Variants in LINGO1 observed in about 807,000 individuals in gnomAD.
LINGO1 encodes the protein leucine-rich repeat and immunoglobulin-like domain-containing nogo receptor-interacting protein 1.
In LINGO1, 11 loss-of-function variants were observed where a neutral mutation model predicts 37.3. That is an observed-to-expected ratio of 0.29 (90% CI 0.19 to 0.49). The LOEUF (loss-of-function observed/expected upper bound fraction) is 0.49. LINGO1 is among the 20% of genes least tolerant of loss of function. LINGO1 has a pLI of 0.99. For synonymous variants in LINGO1, 387 were observed against 403.0 expected, an observed-to-expected ratio of 0.96 and a Z score of 0.48; for missense variants, 585 against 878.2, an observed-to-expected ratio of 0.67 and a Z score of 4.22.
chr15:77,718,052 A>T (rs2076005968), intron 2 of LINGO1, among the ~76,000 whole-genome samples: 1 of 150,752 alleles, frequency 6.6e-6, no homozygotes, highest in African/African-American at 2.4e-5. Flanking sequence ...GCCCAAGAGG[A>T]TGCTCATGAG....
At chr15:77,700,478 C>T (rs184559433), upstream of LINGO1, among the ~76,000 whole-genome samples, 217 of 152,252 alleles carry the variant, frequency 1.4e-3, no homozygotes, top group African/African-American at 5.1e-3. Context: ...CGGGCACATA[C>T]CCTGTGCCAG....
intron 2 of LINGO1, among the ~76,000 whole-genome samples, chr15:77,702,651 G>A (rs988188270): frequency 4.6e-5 from 7 of 152,092 alleles, no homozygotes; most frequent in Admixed American, 2.0e-4. Context: ...GTTGCAGACC[G>A]GCCCCATGGT....
At chr15:77,794,343 CATATATA>C (rs2076844351) in intron 2 of LINGO1, among the ~76,000 whole-genome samples, 1 of 110,762 alleles carries the variant, frequency 9.0e-6, no homozygotes, top group Non-Finnish European at 1.9e-5. Flanking sequence ...TATATACATA[CATATATA>C]CGTATATATG....
chr15:77,776,402 T>C (rs62007823), intron 1 of LINGO1, among the ~76,000 whole-genome samples: 4,964 of 95,382 alleles, frequency 0.052, 144 homozygotes, highest in Middle Eastern at 0.084. Flanking sequence ...AGAATCTGCT[T>C]ATGGTGGAGG....
chr15:77,695,997 C>T (rs1008474670), intron 1 of LINGO1: 3 of 151,472 alleles, frequency 2.0e-5, no homozygotes, highest in Non-Finnish European at 4.4e-5. Context: ...AGGTCACAGG[C>T]ACCGGCACAG....
At chr15:77,697,081 C>T (rs1264633401), upstream of LINGO1, among the ~76,000 whole-genome samples, 2 of 152,372 alleles carry the variant, frequency 1.3e-5, no homozygotes, top group African/African-American at 4.8e-5. Flanking sequence ...GAGCTTAAGG[C>T]TGCCGTGAGC....
Position 77,626,964 on chromosome 15 carries a change from C to T in LINGO1, c.6+5346G>A, listed in dbSNP as rs1352932936. Among the ~76,000 whole-genome samples the T allele has an allele frequency of 1.4e-3, 190 of 133,300 alleles. 1 individual carries two copies. Among genetic ancestry groups the T allele is most frequent in the Non-Finnish European group, 2.4e-3 (157 of 64,296 alleles). The allele number at this position is 133,300 out of a possible 152,430, so 87.4% of individuals were successfully genotyped here. ...AGATGGCCAGTCCCCGCCCCCCCAA[C>T]CCCCCATCCGCAGCCCTGCACTGGG... is the stretch of plus-strand genomic sequence containing the variant. On this transcript the variant is annotated intron_variant, in intron 1 of 1. Transcript: ENST00000355300.
At chr15:77,777,506 T>C (rs2076673623) in intron 1 of LINGO1, among the ~76,000 whole-genome samples, 2 of 139,070 alleles carry the variant, frequency 1.4e-5, no homozygotes, top group African/African-American at 2.6e-5. Context: ...CACACACAGC[T>C]CAGAACACAG....
rs1488587807 is a variant in LINGO1 at position 77,794,588 on chromosome 15, A to T, written c.-343+1351T>A. ...CACACACACATATATATATATATATATATTTTTTTTTTTTTTTGAGACGGA... is the reference window on the plus strand; with the variant it reads ...CACACACACATATATATATATATATTTATTTTTTTTTTTTTTTGAGACGGA... On this transcript the variant is annotated intron_variant, in intron 2 of 5. Transcript: ENST00000562933. 9.5e-3 allele frequency among the ~76,000 whole-genome samples: 376 copies of T among 39,436 alleles called. 17 individuals are homozygous for T. The highest frequency in any genetic ancestry group is 0.029 in the African/African-American group (354 of 12,402). The allele number at this position is 39,436 out of a possible 152,430, so 25.9% of individuals were successfully genotyped here. A position where few individuals can be genotyped will look rare whatever the true frequency, so the allele number is the denominator to read the frequency against.
At chr15:77,634,958 AG>A (rs1029352389), upstream of LINGO1, among the ~76,000 whole-genome samples, 21 of 152,142 alleles carry the variant, frequency 1.4e-4, no homozygotes, top group Non-Finnish European at 2.2e-4. Flanking sequence ...GACGCAGGCA[AG>A]GCGCGGCCAC....
At chr15:77,791,431 T>G, upstream of LINGO1, among the ~76,000 whole-genome samples, 2 of 151,748 alleles carry the variant, frequency 1.3e-5, no homozygotes, top group Admixed American at 6.6e-5. Context: ...GATTTGCTGG[T>G]GGTTAAGAAA....
At chr15:77,710,206 G>A (rs1427713072) in intron 2 of LINGO1, among the ~76,000 whole-genome samples, 2 of 152,214 alleles carry the variant, frequency 1.3e-5, no homozygotes, top group African/African-American at 2.4e-5. Flanking sequence ...CACCCTTCAC[G>A]TGTCTGCCTG....
chr15:77,710,094 C>T (rs567473788), intron 2 of LINGO1, among the ~76,000 whole-genome samples: 39 of 152,364 alleles, frequency 2.6e-4, no homozygotes, highest in African/African-American at 8.9e-4. Context: ...GAAGCTGCAG[C>T]TCCTATGGCT....
intron 1 of LINGO1, among the ~76,000 whole-genome samples, chr15:77,743,154 C>A (rs1406174568): frequency 6.6e-6 from 1 of 152,134 alleles, no homozygotes; most frequent in Non-Finnish European, 1.5e-5. Flanking sequence ...CGGACTACCC[C>A]CTACCCCATG....
chr15:77,808,826 C>T (rs897292693), intron 1 of LINGO1, among the ~76,000 whole-genome samples: 1 of 152,190 alleles, frequency 6.6e-6, no homozygotes, highest in Non-Finnish European at 1.5e-5. Context: ...TGGCACTGTG[C>T]CCAACACTTA....
At chr15:77,811,553 G>A (rs935091174) in intron 1 of LINGO1, among the ~76,000 whole-genome samples, 8 of 152,096 alleles carry the variant, frequency 5.3e-5, no homozygotes, top group African/African-American at 2.4e-5. Context: ...CCTGCGGCTT[G>A]CTGGGCAGGG....
intron 1 of LINGO1, among the ~76,000 whole-genome samples, chr15:77,798,383 C>A (rs1368487227): frequency 6.6e-6 from 1 of 152,230 alleles, no homozygotes; most frequent in Non-Finnish European, 1.5e-5. Context: ...CTGAGCCCAG[C>A]TCCACCTGAG....
chr15:77,625,201 G>A (rs2074051837), intron 1 of LINGO1, among the ~76,000 whole-genome samples: 1 of 152,236 alleles, frequency 6.6e-6, no homozygotes, highest in Non-Finnish European at 1.5e-5. Flanking sequence ...CTGGTAGTGA[G>A]AGGCTGAGGG....
chr15:77,683,565 T>C (rs1448883383), intron 2 of LINGO1, among the ~76,000 whole-genome samples: 4 of 152,172 alleles, frequency 2.6e-5, no homozygotes, highest in African/African-American at 4.8e-5. Context: ...TGCCATGACA[T>C]TGACTGATGC....
Sources: gnomAD v4.1 joint callset for allele counts (sites outside exome capture counted in the v4.1 genomes callset) on GRCh38, gnomAD v4.1.1 for gene constraint, MANE v1.5 for transcripts, NCBI Gene and HGNC (gene_info 2026-07-23, HGNC 2026-07-21) for gene names.